CDH11: variants seen among roughly 807,000 people sequenced by gnomAD.
The protein encoded by CDH11 is cadherin-11.
In CDH11, 11 loss-of-function variants were observed where a neutral mutation model predicts 67.8. That is an observed-to-expected ratio of 0.16 (90% CI 0.10 to 0.27). The LOEUF (loss-of-function observed/expected upper bound fraction) is 0.27, where lower values mean the gene tolerates loss of function less well. CDH11 is among the 10% of genes least tolerant of loss of function. The pLI is 1.00. For missense variants in CDH11, 847 were observed against 1,031.2 expected (o/e 0.82, Z 2.45); for synonymous variants, 419 against 400.0 (o/e 1.05, Z -0.57).
At chr16:64,998,045 A>C (rs549727479) in intron 4 of CDH11, among the ~76,000 whole-genome samples, 96 of 152,330 alleles carry the variant, frequency 6.3e-4, no homozygotes, top group Non-Finnish European at 1.2e-3. Context: ...ATCCTTTAGC[A>C]ACTTAATGTG....
chr16:65,083,374 G>A (rs2074644539), intron 1 of CDH11, among the ~76,000 whole-genome samples: 1 of 152,252 alleles, frequency 6.6e-6, no homozygotes, highest in Admixed American at 6.5e-5. Flanking sequence ...GACATGGTAA[G>A]TGGCATTGAG....
intron 1 of CDH11, among the ~76,000 whole-genome samples, chr16:65,092,076 G>C (rs1165907659): frequency 6.6e-6 from 1 of 152,104 alleles, no homozygotes; most frequent in Non-Finnish European, 1.5e-5. Flanking sequence ...AGATTGTCCT[G>C]TCATAGATGT....
intron 1 of CDH11, among the ~76,000 whole-genome samples, chr16:65,063,840 T>C (rs899357430): frequency 6.6e-6 from 1 of 152,208 alleles, no homozygotes; most frequent in African/African-American, 2.4e-5. Context: ...TAAGATTGTT[T>C]CCTACTTTGA....
chr16:65,046,921 G>A (rs573370356), intron 2 of CDH11, among the ~76,000 whole-genome samples: 11 of 152,170 alleles, frequency 7.2e-5, no homozygotes, highest in South Asian at 2.1e-4. Context: ...CAGCCTGGCC[G>A]ATGTAGCAAA....
rs555470087 is a variant in CDH11 at position 64,996,624 on chromosome 16, G to A, written c.523+1938C>T. Among the ~76,000 whole-genome samples, 8 of 152,174 alleles carry A rather than the reference G, an allele frequency of 5.3e-5. No homozygotes were observed. In the South Asian group the frequency reaches 6.2e-4, roughly 12 times the overall value. ...TTATTGCAGCACTATTCACAATAGC[G>A]AAGACATGGAGTCAACCAAGGTGCC... is the stretch of plus-strand genomic sequence containing the variant. On this transcript the variant is annotated intron_variant, in intron 4 of 12. Coordinates refer to ENST00000268603, the MANE Select transcript of CDH11 (RefSeq NM_001797.4).
chr16:65,007,239 G>T (rs1165369437), intron 2 of CDH11: 1 of 152,138 alleles, frequency 6.6e-6, no homozygotes, highest in East Asian at 1.9e-4. Flanking sequence ...GTATCTGGGA[G>T]GCCACAGATG....
At chr16:65,091,080 G>A (rs187311235) in intron 1 of CDH11, among the ~76,000 whole-genome samples, 1 of 152,316 alleles carries the variant, frequency 6.6e-6, no homozygotes, top group African/African-American at 2.4e-5. Flanking sequence ...GTTGAAGTCA[G>A]ACTGAATACA....
At chr16:65,089,791 C>T (rs1176312794) in intron 1 of CDH11, among the ~76,000 whole-genome samples, 4 of 152,140 alleles carry the variant, frequency 2.6e-5, no homozygotes, top group African/African-American at 9.6e-5. Flanking sequence ...ATAATGTATT[C>T]TTGCTAAATA....
chr16:65,110,900 T>C (rs2075145954), intron 1 of CDH11, among the ~76,000 whole-genome samples: 2 of 152,140 alleles, frequency 1.3e-5, no homozygotes, highest in South Asian at 4.1e-4. Context: ...ATGCCAAGCA[T>C]GAGCTAAATG....
chr16:64,982,433 T>C (rs945437479), intron 7 of CDH11, 132 bp from the exon 8 acceptor site: 1 of 699,106 alleles, frequency 1.4e-6, no homozygotes, highest in Non-Finnish European at 2.4e-6. Flanking sequence ...AATTTCCAAT[T>C]ACCTGAGCCA....
chr16:65,112,925 A>G (rs1597210460), intron 1 of CDH11, among the ~76,000 whole-genome samples: 1 of 152,366 alleles, frequency 6.6e-6, no homozygotes, highest in East Asian at 1.9e-4. Flanking sequence ...CTTTACATAA[A>G]CAAATGAACT....
At chr16:65,095,503 G>A (rs563547008) in intron 1 of CDH11, among the ~76,000 whole-genome samples, 1 of 152,142 alleles carries the variant, frequency 6.6e-6, no homozygotes, top group African/African-American at 2.4e-5. Context: ...AGCAATCTAG[G>A]TGTTATTGTG....
chr16:65,060,553 GA>G, intron 1 of CDH11, among the ~76,000 whole-genome samples: 1 of 152,204 alleles, frequency 6.6e-6, no homozygotes, highest in Admixed American at 6.5e-5. Flanking sequence ...AAGTTTTAAG[GA>G]TGCCCATATG....
chr16:64,990,416 T>C (rs989640806), intron 6 of CDH11, among the ~76,000 whole-genome samples: 5 of 152,284 alleles, frequency 3.3e-5, no homozygotes, highest in African/African-American at 1.2e-4. Context: ...CCTTGTTATC[T>C]CATTTGCAAA....
intron 2 of CDH11, among the ~76,000 whole-genome samples, chr16:65,016,413 A>G (rs1374908120): frequency 2.6e-5 from 4 of 152,180 alleles, no homozygotes; most frequent in Non-Finnish European, 5.9e-5. Flanking sequence ...TTTCTGAAGC[A>G]TATGTGGAAC....
rs563866920 is a variant in CDH11 at position 64,979,285 on chromosome 16, A to AC, written c.1253+2762_1253+2763insG. On this transcript the variant is annotated intron_variant, in intron 8 of 12. Transcript: ENST00000268603. Reference sequence around the variant, plus strand: ...GCCAACATGGCAAAACCCTGTCTCTATTTTTTTAAAAAATAGCTGGGCCTG... The same window carrying AC: ...GCCAACATGGCAAAACCCTGTCTCTACTTTTTTTAAAAAATAGCTGGGCCTG... Among the ~76,000 whole-genome samples, 332 of 152,182 alleles carry AC rather than the reference A, an allele frequency of 2.2e-3. 3 individuals are homozygous for AC. The highest frequency in any genetic ancestry group is 7.3e-3 in the African/African-American group (304 of 41,514).
chr16:64,996,786 G>A (rs2072778466), intron 4 of CDH11, among the ~76,000 whole-genome samples: 1 of 152,032 alleles, frequency 6.6e-6, no homozygotes, highest in African/African-American at 2.4e-5. Context: ...AATTGACACA[G>A]GAACAGAAAA....
intron 1 of CDH11, among the ~76,000 whole-genome samples, chr16:65,106,411 C>G (rs1378458028): frequency 6.6e-6 from 1 of 152,192 alleles, no homozygotes; most frequent in Non-Finnish European, 1.5e-5. Flanking sequence ...ACTTTGCCAT[C>G]TTGGTCTTTG....
chr16:65,078,734 C>T (rs2074558808), intron 1 of CDH11, among the ~76,000 whole-genome samples: 1 of 152,078 alleles, frequency 6.6e-6, no homozygotes, highest in African/African-American at 2.4e-5. Context: ...AATAGAGATT[C>T]CTGTGGGAGG....
Sources: gnomAD v4.1 joint callset for allele counts (sites outside exome capture counted in the v4.1 genomes callset) on GRCh38, gnomAD v4.1.1 for gene constraint, MANE v1.5 for transcripts, NCBI Gene and HGNC (gene_info 2026-07-23, HGNC 2026-07-21) for gene names.